The following GSAP variants were observed in gnomAD, a reference collection of about 807,000 sequenced individuals.
GSAP encodes gamma-secretase activating protein.
Under a neutral mutation model 131.7 loss-of-function variants are expected in GSAP, and 118 were observed. The observed-to-expected ratio is 0.90, with a 90% CI of 0.77 to 1.04. The LOEUF is 1.04. GSAP is among the 50% of genes least tolerant of loss of function. GSAP has a pLI of 0.00. For missense variants in GSAP, 1,019 were observed against 1,013.2 expected, an observed-to-expected ratio of 1.01 and a Z score of -0.08; for synonymous variants, 381 against 363.4, an observed-to-expected ratio of 1.05 and a Z score of -0.55.
intron 3 of GSAP, among the ~76,000 whole-genome samples, chr7:77,401,738 G>A (rs1054303679): frequency 7.2e-5 from 11 of 152,144 alleles, no homozygotes; most frequent in South Asian, 2.1e-4. Flanking sequence ...CAATCAGGGC[G>A]AAAAGTATAA....
chr7:77,312,150 A>ATGTT lies in GSAP; in HGVS notation c.2320_2323dup (p.Ile775LysfsTer16). On this transcript the variant is annotated frameshift_variant, in exon 29 of 31. Coordinates refer to ENST00000257626, the MANE Select transcript of GSAP (RefSeq NM_017439.4). LOFTEE classifies it high-confidence loss of function. The stretch of plus-strand genomic sequence containing the variant: ...TCGCGTCACGTGGTTCCGCGAAATG[A>ATGTT]TGTTAGAACTCATAGGATGATCCCA... 1 of 1,605,012 alleles carries ATGTT rather than the reference A, an allele frequency of 6.2e-7. No homozygotes were observed. Among genetic ancestry groups the ATGTT allele is most frequent in the Non-Finnish European group, 8.5e-7 (1 of 1,176,842 alleles).
intron 3 of GSAP, among the ~76,000 whole-genome samples, chr7:77,398,026 G>T (rs137880964): frequency 6.6e-6 from 1 of 152,056 alleles, no homozygotes; most frequent in East Asian, 1.9e-4. Flanking sequence ...AATATTCCAA[G>T]ATTCCATTTT....
At chr7:77,399,528 C>T (rs181117306) in intron 3 of GSAP, among the ~76,000 whole-genome samples, 5 of 152,254 alleles carry the variant, frequency 3.3e-5, no homozygotes, top group Admixed American at 2.6e-4. Flanking sequence ...TATGCACTAC[C>T]AGGGAAGTCC....
intron 25 of GSAP, 74 bp from the exon 26 acceptor site, chr7:77,320,893 C>T (rs1288838460): frequency 1.2e-6 from 1 of 868,002 alleles, no homozygotes; most frequent in Non-Finnish European, 2.0e-6. Context: ...TAAGCAGTGG[C>T]TTTGAGTACT....
At chr7:77,351,111 G>A (rs1792806969) in intron 18 of GSAP, 1 of 974,102 alleles carries the variant, frequency 1.0e-6, no homozygotes, top group Admixed American at 6.1e-5. Context: ...AGGGTATCAT[G>A]GGGACAGAGA....
chr7:77,378,903 A>T (rs1390584759), intron 8 of GSAP, among the ~76,000 whole-genome samples: 1 of 152,224 alleles, frequency 6.6e-6, no homozygotes, highest in Non-Finnish European at 1.5e-5. Flanking sequence ...GGAAAAAAGG[A>T]AACACCAGAA....
chr7:77,365,658 T>C (rs185745005), intron 12 of GSAP, among the ~76,000 whole-genome samples: 9 of 152,268 alleles, frequency 5.9e-5, no homozygotes, highest in African/African-American at 2.2e-4. Flanking sequence ...GTTGATTCCA[T>C]GTCTTTGCTA....
At chr7:77,318,660 A>C (rs1296818092) in intron 26 of GSAP, among the ~76,000 whole-genome samples, 1 of 152,186 alleles carries the variant, frequency 6.6e-6, no homozygotes, top group Non-Finnish European at 1.5e-5. Context: ...GTCCATAGGC[A>C]AAAGAATGAA....
intron 2 of GSAP, among the ~76,000 whole-genome samples, chr7:77,405,021 T>A (rs1802017783): frequency 6.6e-6 from 1 of 152,248 alleles, no homozygotes; most frequent in Non-Finnish European, 1.5e-5. Flanking sequence ...AAAATAATTA[T>A]TTTTACTTTA....
At chr7:77,353,524 C>T in intron 17 of GSAP, 48 bp downstream of exon 17, 1 of 1,277,376 alleles carries the variant, frequency 7.8e-7, no homozygotes, top group Non-Finnish European at 1.1e-6. Flanking sequence ...TTCCCTCAAG[C>T]AAAAAGGTCA....
chr7:77,357,748 C>T (rs1030655993), intron 14 of GSAP, among the ~76,000 whole-genome samples: 5 of 152,142 alleles, frequency 3.3e-5, no homozygotes, highest in Non-Finnish European at 7.3e-5. Flanking sequence ...GGAGGGAGGA[C>T]GCAAGGAACA....
intron 1 of GSAP, among the ~76,000 whole-genome samples, chr7:77,409,564 C>A (rs1050411801): frequency 2.0e-5 from 3 of 152,070 alleles, no homozygotes; most frequent in African/African-American, 7.2e-5. Context: ...ACTCAAAAGT[C>A]CTTTGAAAGG....
In GSAP at chr7:77,326,210, A is replaced by C. The variant is rs1584266671; in HGVS notation, c.1827+2T>G. 6.2e-7 allele frequency: 1 copy of C among 1,610,316 alleles called. No homozygotes were observed. Among genetic ancestry groups the C allele is most frequent in the Non-Finnish European group, 8.5e-7 (1 of 1,177,136 alleles). On this transcript the variant is annotated splice_donor_variant, in intron 23 of 30. Transcript: ENST00000257626. LOFTEE classifies it high-confidence loss of function. ...CCCCTAAAGAACCCACGTACCACTT[A>C]CCAGCCCCATGAGCAGCCGCTGGTG...
At chr7:77,337,209 G>A (rs1246974440) in intron 19 of GSAP, among the ~76,000 whole-genome samples, 5 of 147,940 alleles carry the variant, frequency 3.4e-5, no homozygotes, top group Admixed American at 2.8e-4. Context: ...CTGGAGTGCA[G>A]TGGCACTATC....
At chr7:77,375,896 GAT>G (rs369353558) in intron 10 of GSAP, among the ~76,000 whole-genome samples, 77 of 149,654 alleles carry the variant, frequency 5.1e-4, no homozygotes, top group African/African-American at 1.6e-3. Context: ...TCATCACAAA[GAT>G]ATTAAGAACA....
intron 27 of GSAP, 45 bp from the exon 28 acceptor site, chr7:77,313,594 T>C (rs906987154): frequency 1.1e-6 from 1 of 919,636 alleles, no homozygotes; most frequent in African/African-American, 1.6e-5. Flanking sequence ...ATACCCATTT[T>C]GATACTTTAG....
In GSAP at chr7:77,360,826, AG is replaced by A; in HGVS notation, c.1024del (p.Asp343ThrfsTer23). The A allele has an allele frequency of 6.5e-7, 1 of 1,547,404 alleles. No homozygotes were observed. The highest frequency in any genetic ancestry group is 8.9e-7 in the Non-Finnish European group (1 of 1,119,890). On this transcript the variant is annotated frameshift_variant, in exon 14 of 31. Coordinates refer to ENST00000257626, the MANE Select transcript of GSAP (RefSeq NM_017439.4). LOFTEE classifies it high-confidence loss of function. ...GGTGTGATCTCTCCATCACTCACCAAGGTTGAGAAAAGTAATGCCCTTTGTC... is the reference window on the plus strand; with the variant it reads ...GGTGTGATCTCTCCATCACTCACCAAGTTGAGAAAAGTAATGCCCTTTGTC... ...HMTKGITFLNLDYYVAVYLPG... is the reference protein window; with the variant it reads ...HMTKGITFLNXDYYVAVYLPG...
chr7:77,370,631 T>C (rs1226705635), intron 12 of GSAP, among the ~76,000 whole-genome samples: 7 of 152,334 alleles, frequency 4.6e-5, no homozygotes, highest in Admixed American at 4.6e-4. Context: ...GCTGTGAGCA[T>C]TCAAACATCC....
chr7:77,342,967 A>G (rs767033802), intron 19 of GSAP, among the ~76,000 whole-genome samples: 3 of 152,064 alleles, frequency 2.0e-5, no homozygotes, highest in Non-Finnish European at 4.4e-5. Context: ...TAGATCCTAA[A>G]TCCTTTCCCC....
Sources: gnomAD v4.1 joint callset for allele counts (sites outside exome capture counted in the v4.1 genomes callset) on GRCh38, gnomAD v4.1.1 for gene constraint, MANE v1.5 for transcripts, NCBI Gene and HGNC (gene_info 2026-07-23, HGNC 2026-07-21) for gene names.